Variants in ARVCF observed in about 807,000 individuals in gnomAD.
ARVCF encodes ARVCF delta catenin family member.
A neutral mutation model predicts 90.9 loss-of-function variants in ARVCF; 66 were observed. The observed-to-expected ratio is 0.73, with a 90% confidence interval of 0.60 to 0.89. The LOEUF (loss-of-function observed/expected upper bound fraction) is 0.89. ARVCF is among the 40% of genes least tolerant of loss of function. The pLI is 0.00. For missense variants in ARVCF, 1,469 were observed against 1,382.3 expected (o/e 1.06, Z -1.00); for synonymous variants, 653 against 603.4 (o/e 1.08, Z -1.21).
intron 1 of ARVCF, among the ~76,000 whole-genome samples, chr22:20,016,186 T>G (rs573178068): frequency 1.4e-3 from 210 of 152,180 alleles, no homozygotes; most frequent in African/African-American, 4.5e-3. Context: ...CTGCCGCCCC[T>G]CGGGCTGTTG....
At chr22:20,006,532 T>G (rs1276977566) in intron 2 of ARVCF, among the ~76,000 whole-genome samples, 3 of 144,862 alleles carry the variant, frequency 2.1e-5, no homozygotes, top group African/African-American at 7.7e-5. Flanking sequence ...TGAGCCGAGA[T>G]CGCGCCACTG....
At chr22:19,980,499 A>T (rs1041436146) in intron 5 of ARVCF, 27 of 441,332 alleles carry the variant, frequency 6.1e-5, no homozygotes, top group Non-Finnish European at 1.0e-4. Flanking sequence ...CAGCAAACTC[A>T]CTCACTGCTG....
At position 20,013,882 on chromosome 22, in the gene ARVCF, T is replaced by A. The variant is rs959146288; in HGVS notation, c.-73+2707A>T. On this transcript the variant is annotated intron_variant, in intron 1 of 19. Transcript: ENST00000263207. ...TTGTTTTTTTGTGGGTATTTTTTTT[T>A]CTTTTTTTGAGACGGAGTCTCACCC... 5.3e-5 allele frequency among the ~76,000 whole-genome samples: 8 copies of A among 152,158 alleles called. No individual in the cohort carries two copies. The South Asian group carries it at 6.2e-4, about 12-fold the overall frequency.
At chr22:19,997,768 A>G (rs566914158) in intron 2 of ARVCF, among the ~76,000 whole-genome samples, 4 of 152,134 alleles carry the variant, frequency 2.6e-5, no homozygotes, top group South Asian at 2.1e-4. Flanking sequence ...TCCGCCCCCA[A>G]TGATGAGCAT....
chr22:19,969,990 G>A lies in ARVCF; in HGVS notation c.*766C>T. ...CTTATTTTTAATGCTTTTTCTCAGT[G>A]TTTTTCTTCTGTTTCTGAGTCACGA... On this transcript the variant is annotated 3_prime_UTR_variant, in exon 20 of 20. Transcript: ENST00000263207. 1 of 985,654 alleles carries A rather than the reference G, an allele frequency of 1.0e-6. No individual in the cohort carries two copies. The highest frequency in any genetic ancestry group is 1.2e-6 in the Non-Finnish European group (1 of 829,934). The allele number at this position is 985,654 out of a possible 1,614,324, so 61.1% of individuals were successfully genotyped here.
At chr22:20,006,452 G>A (rs906659924) in intron 2 of ARVCF, among the ~76,000 whole-genome samples, 6 of 151,190 alleles carry the variant, frequency 4.0e-5, no homozygotes, top group African/African-American at 9.7e-5. Flanking sequence ...GGCGGTGAGC[G>A]CCTGTAGTTC....
chr22:19,986,475 T>C (rs1452401172), intron 3 of ARVCF, among the ~76,000 whole-genome samples: 1 of 152,124 alleles, frequency 6.6e-6, no homozygotes, highest in Non-Finnish European at 1.5e-5. Context: ...AGAGATCTCC[T>C]CCAGCATCCA....
At chr22:19,977,833 ACCCAGAACGCCAC>A in intron 8 of ARVCF, 112 bp downstream of exon 8, 2 of 1,216,346 alleles carry the variant, frequency 1.6e-6, no homozygotes, top group Non-Finnish European at 1.1e-6. Context: ...GGCGGGCCAC[ACCCAGAACGCCAC>A]CCCAGACCCA....
chr22:20,001,978 T>C (rs1253358410), intron 2 of ARVCF, among the ~76,000 whole-genome samples: 1 of 151,942 alleles, frequency 6.6e-6, no homozygotes, highest in Non-Finnish European at 1.5e-5. Context: ...GACAAGAGGA[T>C]GGTAGGAGCC....
At chr22:20,003,645 G>A (rs995688311) in intron 2 of ARVCF, among the ~76,000 whole-genome samples, 7 of 152,172 alleles carry the variant, frequency 4.6e-5, no homozygotes, top group African/African-American at 1.7e-4. Context: ...GTCAAATGAT[G>A]CAGGAAAAAC....
intron 16 of ARVCF, 45 bp from the exon 17 acceptor site, chr22:19,972,456 G>A (rs1188673767): frequency 1.9e-6 from 3 of 1,611,324 alleles, no homozygotes; most frequent in East Asian, 4.5e-5. Context: ...GCAGCCAGGG[G>A]GGATCGGGGC....
At chr22:19,972,632 CG>C in intron 16 of ARVCF, 104 bp downstream of exon 16, 1 of 1,297,660 alleles carries the variant, frequency 7.7e-7, no homozygotes, top group Non-Finnish European at 1.0e-6. Context: ...CTATGGAAGC[CG>C]TCTCAGTGGG....
intron 2 of ARVCF, among the ~76,000 whole-genome samples, chr22:20,000,129 G>C (rs1274294292): frequency 6.6e-6 from 1 of 152,204 alleles, no homozygotes; most frequent in East Asian, 1.9e-4. Context: ...AGGAGCCAGT[G>C]GTGTGAGATC....
At chr22:19,990,277 C>T (rs1383899629) in intron 3 of ARVCF, among the ~76,000 whole-genome samples, 1 of 152,182 alleles carries the variant, frequency 6.6e-6, no homozygotes, top group Non-Finnish European at 1.5e-5. Context: ...GCAGGCAAAC[C>T]CCTAAAGTGT....
At chr22:19,985,932 C>T (rs1199822316) in intron 3 of ARVCF, among the ~76,000 whole-genome samples, 1 of 152,220 alleles carries the variant, frequency 6.6e-6, no homozygotes, top group Non-Finnish European at 1.5e-5. Flanking sequence ...CAGGTAGAGT[C>T]CAGGACAAGC....
chr22:19,968,203 G>A (rs1569137781), downstream of ARVCF, among the ~76,000 whole-genome samples: 2 of 152,190 alleles, frequency 1.3e-5, no homozygotes, highest in African/African-American at 2.4e-5. Flanking sequence ...TGGGTGTTGA[G>A]GGCCCCATTG....
chr22:19,984,088 C>T (rs1359415577), intron 3 of ARVCF, among the ~76,000 whole-genome samples: 1 of 152,138 alleles, frequency 6.6e-6, no homozygotes, highest in Non-Finnish European at 1.5e-5. Context: ...GCAGTTCTGG[C>T]GACAGAGTGA....
At chr22:19,968,960 T>A (rs1307756352), downstream of ARVCF, 2 of 544,844 alleles carry the variant, frequency 3.7e-6, no homozygotes, top group Non-Finnish European at 6.6e-6. Flanking sequence ...CTAGCTATAT[T>A]ATCTTATATA....
chr22:19,987,274 C>CGGG (rs915616197), intron 3 of ARVCF: 4 of 38,412 alleles, frequency 1.0e-4, no homozygotes, highest in African/African-American at 3.9e-4. Context: ...TGGGGCGTGG[C>CGGG]GGGGGCCGGG....
Sources: gnomAD v4.1 joint callset for allele counts (sites outside exome capture counted in the v4.1 genomes callset) on GRCh38, gnomAD v4.1.1 for gene constraint, MANE v1.5 for transcripts, NCBI Gene and HGNC (gene_info 2026-07-23, HGNC 2026-07-21) for gene names.